The following TDRD3 variants were observed in gnomAD, a reference collection of about 807,000 sequenced individuals.
The protein encoded by TDRD3 is tudor domain-containing protein 3.
A neutral mutation model predicts 86.7 loss-of-function variants in TDRD3; 45 were observed. That is an observed-to-expected ratio of 0.52 (90% CI 0.41 to 0.67). TDRD3 has a LOEUF of 0.67. TDRD3 is among the 30% of genes least tolerant of loss of function. The pLI, the probability that TDRD3 is intolerant of heterozygous loss-of-function variation, is 0.00. For missense variants in TDRD3, 814 were observed against 889.0 expected (o/e 0.92, Z 1.07); for synonymous variants, 298 against 301.7 (o/e 0.99, Z 0.13).
intron 12 of TDRD3, among the ~76,000 whole-genome samples, chr13:60,545,542 G>A (rs1463049823): frequency 6.6e-6 from 1 of 151,946 alleles, no homozygotes; most frequent in Non-Finnish European, 1.5e-5. Context: ...TTAAGTGTTG[G>A]TAACCATTTT....
chr13:60,556,741 A>G (rs1958196033), intron 12 of TDRD3, among the ~76,000 whole-genome samples: 1 of 152,236 alleles, frequency 6.6e-6, no homozygotes, highest in African/African-American at 2.4e-5. Context: ...GTTATGCAGA[A>G]TGGTAACTAC....
At chr13:60,514,546 A>G (rs1459785982) in intron 10 of TDRD3, among the ~76,000 whole-genome samples, 1 of 152,140 alleles carries the variant, frequency 6.6e-6, no homozygotes, top group Non-Finnish European at 1.5e-5. Flanking sequence ...AAATGGGCAG[A>G]AGGCTTCTTA....
intron 8 of TDRD3, among the ~76,000 whole-genome samples, chr13:60,508,617 C>G (rs748320794): frequency 1.3e-5 from 2 of 152,072 alleles, no homozygotes; most frequent in Non-Finnish European, 2.9e-5. Flanking sequence ...CAAAAATTAA[C>G]TCAAGATGGA....
chr13:60,465,404 A>G (rs994736020), intron 4 of TDRD3, among the ~76,000 whole-genome samples: 3 of 152,170 alleles, frequency 2.0e-5, no homozygotes, highest in East Asian at 3.8e-4. Context: ...TTGAACGGTA[A>G]TAGATGGTTA....
chr13:60,560,394 T>C (rs1191984891), intron 12 of TDRD3, among the ~76,000 whole-genome samples: 1 of 152,210 alleles, frequency 6.6e-6, no homozygotes, highest in Non-Finnish European at 1.5e-5. Flanking sequence ...TCCATAACTT[T>C]TATCATTTGG....
At chr13:60,435,450 C>T (rs1955065693) in intron 1 of TDRD3, among the ~76,000 whole-genome samples, 1 of 152,090 alleles carries the variant, frequency 6.6e-6, no homozygotes, top group Non-Finnish European at 1.5e-5. Flanking sequence ...TCCCCAAAGT[C>T]CATTATATCA....
intron 5 of TDRD3, 32 bp downstream of exon 5, chr13:60,467,411 A>T (rs765414576): frequency 6.2e-7 from 1 of 1,604,572 alleles, no homozygotes; most frequent in East Asian, 2.2e-5. Flanking sequence ...AACTTTTGAA[A>T]CATTACACTC....
intron 1 of TDRD3, among the ~76,000 whole-genome samples, chr13:60,430,755 G>A (rs765667166): frequency 3.0e-4 from 45 of 152,016 alleles, no homozygotes; most frequent in Non-Finnish European, 2.1e-4. Context: ...TACCAAATAA[G>A]CATTCTAGGG....
intron 1 of TDRD3, among the ~76,000 whole-genome samples, chr13:60,430,723 T>C (rs1456738395): frequency 1.3e-5 from 2 of 152,140 alleles, no homozygotes; most frequent in Non-Finnish European, 2.9e-5. Context: ...TTTTACTTGC[T>C]CAGCTGTTAC....
intron 12 of TDRD3, among the ~76,000 whole-genome samples, chr13:60,565,039 A>ATC (rs1958418112): frequency 9.6e-6 from 1 of 104,286 alleles, no homozygotes; most frequent in African/African-American, 4.7e-5. Context: ...AACTATCAGT[A>ATC]TCTTTTTTTT....
intron 5 of TDRD3, among the ~76,000 whole-genome samples, chr13:60,478,520 G>A (rs1241146645): frequency 6.6e-6 from 1 of 151,884 alleles, no homozygotes; most frequent in Non-Finnish European, 1.5e-5. Flanking sequence ...GGCCAGGGTG[G>A]TCTCAAACTC....
At position 60,531,085 on chromosome 13, in the gene TDRD3, C is replaced by T. The variant is rs372182659; in HGVS notation, c.1992+1868C>T. ...GATGATGATTATTTAGAAACAGCAT[C>T]TCTGTCACATCTTTACTTAAGCCTG... On this transcript the variant is annotated intron_variant, in intron 11 of 13. Transcript: ENST00000377881. Among the ~76,000 whole-genome samples the T allele has an allele frequency of 1.6e-4, 25 of 152,298 alleles. No individual in the cohort carries two copies. The East Asian group carries it at 4.3e-3, about 26-fold the overall frequency.
At position 60,528,764 on chromosome 13, in the gene TDRD3, T is replaced by G. The variant is rs1480003392; in HGVS notation, c.1539T>G (p.Phe513Leu). Residue 513 changes from phenylalanine to leucine, a missense_variant, in exon 11 of 14, where the codon TTT (phenylalanine) becomes TTG (leucine). Transcript: ENST00000377881. ...GCAGATCAGGAAAAGGTCCCTCCTTTGCAGAGGCAAAAGAAAATCCACTTC... is the reference window on the plus strand; with the variant it reads ...GCAGATCAGGAAAAGGTCCCTCCTTGGCAGAGGCAAAAGAAAATCCACTTC... ...MQSRSGKGPS[F>L]AEAKENPLPQ... is the part of the protein sequence containing the mutation. 1.2e-6 allele frequency: 2 copies of G among 1,613,536 alleles called. No individual in the cohort carries two copies. The highest frequency in any genetic ancestry group is 1.7e-6 in the Non-Finnish European group (2 of 1,179,844).
chr13:60,547,161 A>C (rs1032567697), intron 12 of TDRD3: 2 of 606,460 alleles, frequency 3.3e-6, no homozygotes, highest in African/African-American at 4.0e-5. Context: ...TTGAGGTTGC[A>C]ATGAATTTCA....
intron 3 of TDRD3, 38 bp downstream of exon 3, chr13:60,444,786 A>G (rs2137981850): frequency 8.4e-7 from 1 of 1,194,578 alleles, no homozygotes; most frequent in African/African-American, 1.6e-5. Flanking sequence ...TAATTAATTT[A>G]GTTACAATAA....
chr13:60,536,302 T>C (rs984323738), intron 12 of TDRD3: 1 of 152,118 alleles, frequency 6.6e-6, no homozygotes, highest in African/African-American at 2.4e-5. Flanking sequence ...TTATTCCAAC[T>C]TTTACAACAT....
At chr13:60,569,277 G>T (rs1958531343) in intron 13 of TDRD3, among the ~76,000 whole-genome samples, 1 of 152,074 alleles carries the variant, frequency 6.6e-6, no homozygotes, top group African/African-American at 2.4e-5. Context: ...AGCCTCAACA[G>T]CAAACAATCT....
In TDRD3 at chr13:60,433,640, T is replaced by TA. The variant is rs926606607; in HGVS notation, c.42-6046dup. Among the ~76,000 whole-genome samples, 253 of 152,362 alleles carry TA rather than the reference T, an allele frequency of 1.7e-3. 4 individuals carry two copies. The highest frequency in any genetic ancestry group is 5.9e-3 in the African/African-American group (247 of 41,594). On this transcript the variant is annotated intron_variant, in intron 1 of 13. Coordinates refer to ENST00000377881, the MANE Select transcript of TDRD3 (RefSeq NM_001146070.2). ...AATTTAAATAAACTAATGTGTTTAA[T>TA]AAGTACAAAGTACATGTACCACATG...
At chr13:60,492,172 G>A (rs772328384) in intron 7 of TDRD3, among the ~76,000 whole-genome samples, 4 of 152,162 alleles carry the variant, frequency 2.6e-5, no homozygotes, top group Non-Finnish European at 5.9e-5. Context: ...ACAATGGAAA[G>A]AAAATTATAA....
Sources: allele counts gnomAD v4.1 joint callset (sites outside exome capture counted in the v4.1 genomes callset), GRCh38; gene constraint gnomAD v4.1.1; transcripts MANE v1.5; gene names NCBI Gene and HGNC (gene_info 2026-07-23, HGNC 2026-07-21).